Variants in DCUN1D4 observed in about 807,000 individuals in gnomAD.
DCUN1D4 encodes defective in cullin neddylation 1 domain containing 4.
Under a neutral mutation model 47.9 loss-of-function variants are expected in DCUN1D4, and 22 were observed. The ratio of observed to expected loss-of-function variants is 0.46; its 90% CI spans 0.33 to 0.66. DCUN1D4 has a LOEUF of 0.66. Among genes scored for constraint, DCUN1D4 ranks in the 30% least tolerant of loss-of-function variants. DCUN1D4 has a pLI of 0.02. For synonymous variants in DCUN1D4, 121 were observed against 112.2 expected, an observed-to-expected ratio of 1.08 and a Z score of -0.50; for missense variants, 301 against 340.8, an observed-to-expected ratio of 0.88 and a Z score of 0.92.
At chr4:51,849,632 G>A (rs927005809) in intron 1 of DCUN1D4, among the ~76,000 whole-genome samples, 1 of 152,112 alleles carries the variant, frequency 6.6e-6, no homozygotes, top group African/African-American at 2.4e-5. Context: ...TGTGGGTCGT[G>A]GGAGCTGTGT....
In DCUN1D4 at chr4:51,914,877, T is replaced by C. The variant is rs1734178357; in HGVS notation, c.*1293T>C. On this transcript the variant is annotated 3_prime_UTR_variant, in exon 11 of 11. Coordinates refer to ENST00000334635, the MANE Select transcript of DCUN1D4 (RefSeq NM_001040402.3). ...GAGGAAATATAGAGATGACATGTTT[T>C]CACCCCAACTATCTGGTGCTATTGA... is the stretch of plus-strand genomic sequence containing the variant. 1 of 151,630 alleles carries C rather than the reference T, an allele frequency of 6.6e-6. No homozygotes were observed. Among genetic ancestry groups the C allele is most frequent in the Non-Finnish European group, 1.5e-5 (1 of 67,818 alleles). The allele number at this position is 151,630 out of a possible 1,614,324, so 9.4% of individuals were successfully genotyped here.
intron 5 of DCUN1D4, among the ~76,000 whole-genome samples, chr4:51,885,403 G>A (rs1729313008): frequency 6.6e-6 from 1 of 152,216 alleles, no homozygotes. Context: ...AGACTCCCAG[G>A]TTTCTATTTC....
intron 7 of DCUN1D4, among the ~76,000 whole-genome samples, chr4:51,898,800 G>C (rs1315324645): frequency 6.6e-6 from 1 of 152,202 alleles, no homozygotes; most frequent in African/African-American, 2.4e-5. Context: ...AAATATGACA[G>C]CTAAAAGCAG....
intron 7 of DCUN1D4, among the ~76,000 whole-genome samples, chr4:51,893,607 A>G (rs1057020854): frequency 1.2e-4 from 18 of 152,102 alleles, no homozygotes; most frequent in African/African-American, 4.3e-4. Context: ...TTGTATTTTT[A>G]GTAGAGACGG....
intron 7 of DCUN1D4, among the ~76,000 whole-genome samples, chr4:51,896,515 A>T (rs1269156090): frequency 6.6e-6 from 1 of 151,936 alleles, no homozygotes; most frequent in Non-Finnish European, 1.5e-5. Flanking sequence ...CCTCGACCTT[A>T]TGTTTTTGGG....
chr4:51,883,022 ATACTT>A (rs1728921993), intron 5 of DCUN1D4, among the ~76,000 whole-genome samples: 1 of 152,216 alleles, frequency 6.6e-6, no homozygotes, highest in African/African-American at 2.4e-5. Flanking sequence ...CACAGCCTAA[ATACTT>A]TAGTAGAATG....
At chr4:51,873,496 C>T (rs986536138) in intron 3 of DCUN1D4, among the ~76,000 whole-genome samples, 12 of 152,300 alleles carry the variant, frequency 7.9e-5, no homozygotes, top group Non-Finnish European at 1.0e-4. Flanking sequence ...AACCTCCCTC[C>T]GCCTCCGTTT....
chr4:51,891,433 A>G (rs992404711), intron 6 of DCUN1D4, among the ~76,000 whole-genome samples: 1 of 152,238 alleles, frequency 6.6e-6, no homozygotes, highest in African/African-American at 2.4e-5. Context: ...CTATAAGATA[A>G]CTTGCCATGG....
At chr4:51,864,269 A>G (rs1577895417) in intron 3 of DCUN1D4, among the ~76,000 whole-genome samples, 1 of 152,306 alleles carries the variant, frequency 6.6e-6, no homozygotes, top group Admixed American at 6.5e-5. Context: ...GTGGGGCCCC[A>G]GAGTTTGCTC....
chr4:51,900,454 C>T (rs1026767924), intron 8 of DCUN1D4, among the ~76,000 whole-genome samples: 6 of 152,074 alleles, frequency 3.9e-5, no homozygotes, highest in African/African-American at 1.4e-4. Flanking sequence ...ACCTGCCAGG[C>T]CAGATGCAGT....
intron 8 of DCUN1D4, among the ~76,000 whole-genome samples, chr4:51,902,545 A>G (rs1433553462): frequency 6.6e-6 from 1 of 152,178 alleles, no homozygotes; most frequent in Non-Finnish European, 1.5e-5. Context: ...ACTTCGTCCA[A>G]TACAAATGTA....
chr4:51,845,192 G>A (rs1271069530), intron 1 of DCUN1D4: 1 of 985,278 alleles, frequency 1.0e-6, no homozygotes, highest in Non-Finnish European at 1.2e-6. Flanking sequence ...TCCAGTGTGT[G>A]TAAGCACTGG....
rs1425675491 is a variant in DCUN1D4 at position 51,891,672 on chromosome 4, CGTT to C, written c.415-87_415-85del. On this transcript the variant is annotated intron_variant, in intron 6 of 10. Transcript: ENST00000334635. ...CTGTGAACAGAAGCATTTAGCAAAA[CGTT>C]AATGTATTAATGACAGATCTATTTG... 2.9e-6 allele frequency: 3 copies of C among 1,027,054 alleles called. No individual in the cohort carries two copies. In the African/African-American group the frequency reaches 5.0e-5, roughly 17 times the overall value. 63.6% of individuals were successfully genotyped at this position (1,027,054 alleles called of 1,614,324 possible).
chr4:51,862,042 C>T (rs1039904425), intron 1 of DCUN1D4, among the ~76,000 whole-genome samples: 1 of 152,208 alleles, frequency 6.6e-6, no homozygotes, highest in Non-Finnish European at 1.5e-5. Flanking sequence ...TCATCATTTA[C>T]CTTAAGCATG....
chr4:51,843,223 C>G lies in DCUN1D4; in HGVS notation c.-20C>G, dbSNP rs948036964. The G allele has an allele frequency of 6.5e-7, 1 of 1,539,670 alleles. No individual in the cohort carries two copies. The highest frequency in any genetic ancestry group is 8.7e-7 in the Non-Finnish European group (1 of 1,142,870). On this transcript the variant is annotated 5_prime_UTR_variant, in exon 1 of 11. Coordinates refer to ENST00000334635, the MANE Select transcript of DCUN1D4 (RefSeq NM_001040402.3). ...GAGCGCGGGAGCCTGGGCGGCGAGC[C>G]GGGTGTGAGCTGCCTGAAAATGCAC...
intron 1 of DCUN1D4, among the ~76,000 whole-genome samples, chr4:51,853,136 G>T (rs1437435660): frequency 6.6e-6 from 1 of 152,204 alleles, no homozygotes; most frequent in Admixed American, 6.5e-5. Context: ...GCACCAGCAG[G>T]CACAGGCAGT....
chr4:51,844,998 G>T, intron 1 of DCUN1D4: 1 of 985,442 alleles, frequency 1.0e-6, no homozygotes, highest in Non-Finnish European at 1.2e-6. Flanking sequence ...GAGAGCCCAC[G>T]CCAGGCGCAG....
intron 6 of DCUN1D4, among the ~76,000 whole-genome samples, chr4:51,889,078 C>G (rs947578572): frequency 2.0e-5 from 3 of 152,134 alleles, no homozygotes; most frequent in Non-Finnish European, 2.9e-5. Flanking sequence ...CACTGTACTT[C>G]ATCCTGGGCA....
chr4:51,898,763 G>A (rs542900911), intron 7 of DCUN1D4, among the ~76,000 whole-genome samples: 25 of 152,256 alleles, frequency 1.6e-4, no homozygotes, highest in African/African-American at 5.8e-4. Context: ...GAAAGAAAAA[G>A]GCAGAGAACT....
Sources: gnomAD v4.1 joint callset for allele counts (sites outside exome capture counted in the v4.1 genomes callset) on GRCh38, gnomAD v4.1.1 for gene constraint, MANE v1.5 for transcripts, NCBI Gene and HGNC (gene_info 2026-07-23, HGNC 2026-07-21) for gene names.